DBF4B: variants seen among roughly 807,000 people sequenced by gnomAD.
The protein encoded by DBF4B is protein DBF4 homolog B.
Under a neutral mutation model 53.4 loss-of-function variants are expected in DBF4B, and 49 were observed. The observed-to-expected ratio is 0.92, with a 90% CI of 0.73 to 1.16. DBF4B has a LOEUF of 1.16. Ranked by LOEUF, DBF4B falls within the 50% of genes most tolerant of loss-of-function variation. The probability of loss-of-function intolerance (pLI) is 0.00; values close to 1 mark genes in which losing one functional copy is unlikely to be tolerated. For synonymous variants in DBF4B, 257 were observed against 288.7 expected (o/e 0.89, Z 1.11); for missense variants, 692 against 775.0 (o/e 0.89, Z 1.27).
In DBF4B at chr17:44,750,729, G is replaced by T. The variant is rs199760959; in HGVS notation, c.1324G>T (p.Gly442Cys). 2.6e-4 allele frequency: 418 copies of T among 1,614,108 alleles called. No homozygotes were observed. In the Admixed American group the frequency reaches 6.7e-3, roughly 26 times the overall value. ...PALPKGSREQ[G>C]CLCPCPASFT... ...CTTGCCCAAGGGCTCCAGGGAGCAGGGCTGCCTCTGTCCCTGCCCAGCCTC... is the reference window on the plus strand; with the variant it reads ...CTTGCCCAAGGGCTCCAGGGAGCAGTGCTGCCTCTGTCCCTGCCCAGCCTC... Residue 442 changes from glycine (G) to cysteine (C), a missense_variant, in exon 14 of 14, where the codon GGC (glycine) becomes TGC (cysteine). Around this residue, in one of 3 missense-constraint regions of DBF4B, gnomAD observed 597 missense variants for 665.8 expected, o/e 0.90. Transcript: ENST00000315005.
intron 2 of DBF4B, among the ~76,000 whole-genome samples, chr17:44,715,886 G>C (rs1340004518): frequency 7.9e-6 from 1 of 126,180 alleles, no homozygotes; most frequent in Admixed American, 9.4e-5. Context: ...GCAATGGCGC[G>C]ATCTCAGCTC....
chr17:44,716,906 GT>G (rs1188670423), intron 2 of DBF4B, among the ~76,000 whole-genome samples: 1 of 152,036 alleles, frequency 6.6e-6, no homozygotes, highest in Non-Finnish European at 1.5e-5. Flanking sequence ...TCTCCTGTCT[GT>G]TTTTCACTCA....
At position 44,748,828 on chromosome 17, in the gene DBF4B, C is replaced by T. The variant is rs906702860; in HGVS notation, c.1189+363C>T. 8.5e-6 allele frequency: 11 copies of T among 1,293,840 alleles called. No individual in the cohort carries two copies. In the African/African-American group the frequency reaches 1.5e-4, roughly 18 times the overall value. The allele number at this position is 1,293,840 out of a possible 1,614,324, so 80.1% of individuals were successfully genotyped here. On this transcript the variant is annotated intron_variant, in intron 13 of 13. Transcript: ENST00000315005. ...CAGGACAACTAGTGGCAAGCGTCTT[C>T]CCTCTCTTCCCCTTACAGGCCATGA...
At chr17:44,745,475 G>A (rs1976500336) in intron 10 of DBF4B, among the ~76,000 whole-genome samples, 1 of 152,178 alleles carries the variant, frequency 6.6e-6, no homozygotes, top group Admixed American at 6.5e-5. Context: ...AATCATGATG[G>A]AAGGCAAAGG....
In DBF4B at chr17:44,751,249, G is replaced by A. The variant is rs753416649; in HGVS notation, c.1844G>A (p.Gly615Asp). The change falls in exon 14 of 14, where the codon GGT becomes GAT. Residue 615 changes from glycine to aspartate, a missense_variant. This residue lies in a region of DBF4B where 597 missense variants were observed against 665.8 expected (regional missense o/e 0.90). Coordinates refer to ENST00000315005, the MANE Select transcript of DBF4B (RefSeq NM_145663.3). ...TGCGGCTTCCTGGCTGTAGACTCAG[G>A]TTAGAGGTGAACCCAGAACACCTGA... ...LHCGFLAVDS[G>D] The A allele has an allele frequency of 1.2e-6, 2 of 1,611,740 alleles. No homozygotes were observed. Among genetic ancestry groups the A allele is most frequent in the Non-Finnish European group, 1.7e-6 (2 of 1,178,996 alleles).
intron 2 of DBF4B, 144 bp downstream of exon 2, chr17:44,709,510 G>A (rs1972674268): frequency 2.0e-6 from 2 of 977,534 alleles, no homozygotes; most frequent in Non-Finnish European, 3.1e-6. Flanking sequence ...TTATTGGGAT[G>A]GGGTCTTGCT....
At chr17:44,736,171 A>C (rs566880563) in intron 7 of DBF4B, among the ~76,000 whole-genome samples, 1 of 148,052 alleles carries the variant, frequency 6.8e-6, no homozygotes, top group Admixed American at 6.7e-5. Context: ...TTTTTTAAAG[A>C]TAGGGTCTTA....
intron 2 of DBF4B, among the ~76,000 whole-genome samples, chr17:44,717,675 C>T (rs1973441230): frequency 6.8e-6 from 1 of 146,064 alleles, no homozygotes; most frequent in Non-Finnish European, 1.5e-5. Flanking sequence ...TGCCACTGCA[C>T]TCTAGCCTGG....
intron 2 of DBF4B, among the ~76,000 whole-genome samples, chr17:44,716,942 A>G (rs1338997548): frequency 2.0e-5 from 3 of 152,018 alleles, no homozygotes; most frequent in Non-Finnish European, 4.4e-5. Flanking sequence ...AGCGTCCAAC[A>G]TTTTGTAGCA....
intron 7 of DBF4B, among the ~76,000 whole-genome samples, chr17:44,735,505 C>T (rs1024092271): frequency 2.6e-5 from 4 of 151,930 alleles, no homozygotes; most frequent in African/African-American, 9.7e-5. Context: ...AACCCTGTCT[C>T]TACTAAAATA....
chr17:44,731,851 A>T (rs1208554500), intron 5 of DBF4B: 1 of 267,470 alleles, frequency 3.7e-6, no homozygotes, highest in Non-Finnish European at 7.3e-6. Context: ...TTGTGTACTT[A>T]CTGTGCTGAG....
chr17:44,723,838 C>T (rs748761507), intron 3 of DBF4B, among the ~76,000 whole-genome samples: 3 of 152,024 alleles, frequency 2.0e-5, no homozygotes, highest in Non-Finnish European at 2.9e-5. Flanking sequence ...AGGCTGGGCA[C>T]AGTGGCTCAT....
chr17:44,751,868 C>T lies in DBF4B; in HGVS notation c.*615C>T, dbSNP rs1014696286. On this transcript the variant is annotated 3_prime_UTR_variant, in exon 14 of 14. Coordinates refer to ENST00000315005, the MANE Select transcript of DBF4B (RefSeq NM_145663.3). ...GCCTGGCTCCCTTGGTCGCAGCAGC[C>T]CCTCAGTGGCCTGGTTCTCCTGTCC... 2.6e-6 allele frequency: 4 copies of T among 1,535,930 alleles called. No individual in the cohort carries two copies. Among genetic ancestry groups the T allele is most frequent in the Non-Finnish European group, 3.5e-6 (4 of 1,146,826 alleles).
Position 44,730,027 on chromosome 17 carries a change from A to C in DBF4B, c.348A>C (p.Arg116Ser), listed in dbSNP as rs779995772. The C allele has an allele frequency of 3.1e-6, 5 of 1,613,608 alleles. No individual in the cohort carries two copies. Among genetic ancestry groups the C allele is most frequent in the Non-Finnish European group, 3.4e-6 (4 of 1,180,034 alleles). The change falls in exon 4 of 14, where the codon AGA becomes AGC. Residue 116 changes from arginine (R) to serine (S), a missense_variant. This residue lies in a region of DBF4B where 597 missense variants were observed against 665.8 expected (regional missense o/e 0.90). Transcript: ENST00000315005. ...GCPSPSPSEV[R>S]VETSAMVDPK... The stretch of plus-strand genomic sequence containing the variant: ...CTAGCCCTAGCCCCAGTGAGGTCAG[A>C]GTGGAAACATCGGCCATGGTTGATC...
At chr17:44,747,800 A>T (rs975628656) in intron 12 of DBF4B, among the ~76,000 whole-genome samples, 2 of 152,174 alleles carry the variant, frequency 1.3e-5, no homozygotes, top group African/African-American at 4.8e-5. Context: ...AGTTCTGGCC[A>T]GGGAGCAGGG....
intron 12 of DBF4B, 136 bp from the exon 13 acceptor site, chr17:44,748,205 C>T: frequency 1.7e-6 from 2 of 1,206,090 alleles, no homozygotes; most frequent in Non-Finnish European, 1.2e-6. Flanking sequence ...GGAGGACTTT[C>T]ACACAGGGCC....
intron 3 of DBF4B, among the ~76,000 whole-genome samples, chr17:44,725,229 A>G (rs1974206872): frequency 6.6e-6 from 1 of 151,988 alleles, no homozygotes; most frequent in African/African-American, 2.4e-5. Context: ...GTTTGAGGCT[A>G]TAGTGAGCTA....
chr17:44,725,346 A>G (rs1348811261), intron 3 of DBF4B, among the ~76,000 whole-genome samples: 1 of 152,160 alleles, frequency 6.6e-6, no homozygotes, highest in Non-Finnish European at 1.5e-5. Context: ...AATTTTAGAG[A>G]ACATGGAACT....
In DBF4B at chr17:44,749,714, A is replaced by G; in HGVS notation, c.1190-881A>G. ...AAGTTGGCATGGGGAGGGACCACAA[A>G]GGAGCTGGGGCAGCAGGAGTCCTGG... is the stretch of plus-strand genomic sequence containing the variant. On this transcript the variant is annotated intron_variant, in intron 13 of 13. Transcript: ENST00000315005. The surrounding 1 kb of genome is among the most constrained non-coding windows in gnomAD (Gnocchi z 4.4). 8.7e-7 allele frequency: 1 copy of G among 1,148,330 alleles called. No homozygotes were observed. Among genetic ancestry groups the G allele is most frequent in the Non-Finnish European group, 1.1e-6 (1 of 920,334 alleles). 71.1% of individuals were successfully genotyped at this position (1,148,330 alleles called of 1,614,324 possible). A position where few individuals can be genotyped will look rare whatever the true frequency, so the allele number is the denominator to read the frequency against.
Sources: gnomAD v4.1 joint callset for allele counts (sites outside exome capture counted in the v4.1 genomes callset) on GRCh38, gnomAD v4.1.1 for gene constraint, gnomAD v4.1.1 regional missense constraint, Gnocchi (gnomAD v3.1) non-coding constraint, MANE v1.5 for transcripts, NCBI Gene and HGNC (gene_info 2026-07-23, HGNC 2026-07-21) for gene names.